VPS35: variants seen among roughly 807,000 people sequenced by gnomAD.
VPS35 encodes the protein vacuolar protein sorting-associated protein 35.
VPS35 carries 21 observed loss-of-function variants against 98.1 expected under a neutral mutation model. That is an observed-to-expected ratio of 0.21 (90% confidence interval 0.15 to 0.31). The LOEUF is 0.31. VPS35 is among the 10% of genes least tolerant of loss of function. The pLI is 1.00. For missense variants in VPS35, 554 were observed against 950.8 expected, an observed-to-expected ratio of 0.58 and a Z score of 5.49; for synonymous variants, 268 against 318.2, an observed-to-expected ratio of 0.84 and a Z score of 1.68.
chr16:46,661,569 C>T lies in VPS35; in HGVS notation c.2211+149G>A, dbSNP rs1596709263. On this transcript the variant is annotated intron_variant, in intron 16 of 16. Coordinates refer to ENST00000299138, the MANE Select transcript of VPS35 (RefSeq NM_018206.6). This position sits in a 1 kb window ranked among gnomAD's most constrained non-coding sequence, Gnocchi z 4.3. ...AACTAGAACATTATGACAAATTAGC[C>T]TATTATTTGACATCTGTAAATTATT... 1 of 790,598 alleles carries T rather than the reference C, an allele frequency of 1.3e-6. No homozygotes were observed. Among genetic ancestry groups the T allele is most frequent in the African/African-American group, 1.7e-5 (1 of 57,218 alleles). The allele number at this position is 790,598 out of a possible 1,614,324, so 49.0% of individuals were successfully genotyped here.
intron 7 of VPS35, among the ~76,000 whole-genome samples, chr16:46,677,048 A>G (rs1191779881): frequency 2.6e-5 from 4 of 151,886 alleles, no homozygotes; most frequent in African/African-American, 9.7e-5. Context: ...AAAAAAAAAG[A>G]AACACTAAAA....
At position 46,662,487 on chromosome 16, in the gene VPS35, T is replaced by A. The variant is rs549129612; in HGVS notation, c.1828-5A>T. 3 of 1,613,708 alleles carry A rather than the reference T, an allele frequency of 1.9e-6. No homozygotes were observed. The South Asian group carries it at 3.3e-5, about 18-fold the overall frequency. On this transcript the variant is annotated splice_polypyrimidine_tract_variant and splice_region_variant and intron_variant, in intron 14 of 16. Transcript: ENST00000299138. ...ATCTTCATACAGAGAAAATGCCTAG[T>A]GAACATAAAGCAGAAAGGACTTTCA...
rs1966155371 is a variant in VPS35, at chr16:46,676,543, C to A, written c.914+40G>T. ...AAAAATGTTTAAAATTCATTATTCC[C>A]AAGTCAGAGCATTTATCCGCCAGTG... On this transcript the variant is annotated intron_variant, in intron 8 of 16. Coordinates refer to ENST00000299138, the MANE Select transcript of VPS35 (RefSeq NM_018206.6). 2.4e-6 allele frequency: 3 copies of A among 1,244,798 alleles called. No individual in the cohort carries two copies. In the East Asian group the frequency reaches 7.0e-5, roughly 29 times the overall value. 77.1% of individuals were successfully genotyped at this position (1,244,798 alleles called of 1,614,324 possible).
chr16:46,676,826 C>G (rs1166700908), intron 7 of VPS35, 134 bp from the exon 8 acceptor site: 2 of 710,892 alleles, frequency 2.8e-6, no homozygotes, highest in Non-Finnish European at 5.1e-6. Context: ...TACTTTTGAA[C>G]CTCTCTACTA....
chr16:46,669,536 G>A (rs979063666), intron 12 of VPS35, among the ~76,000 whole-genome samples: 5 of 151,920 alleles, frequency 3.3e-5, no homozygotes, highest in South Asian at 2.1e-4. Context: ...GCATGGTGGC[G>A]CACACCCGTA....
chr16:46,674,171 C>T, intron 10 of VPS35, 143 bp downstream of exon 10: 1 of 895,068 alleles, frequency 1.1e-6, no homozygotes, highest in African/African-American at 1.7e-5. Context: ...CTACTTTCTG[C>T]CCCTAGTAGT....
chr16:46,680,479 A>G (rs1966218203), intron 5 of VPS35, among the ~76,000 whole-genome samples, 192 bp downstream of exon 5: 1 of 152,248 alleles, frequency 6.6e-6, no homozygotes, highest in South Asian at 2.1e-4. Flanking sequence ...TTTGCATAAG[A>G]GTACATTTTA....
chr16:46,673,160 G>T (rs542462103), intron 10 of VPS35, among the ~76,000 whole-genome samples: 1 of 150,832 alleles, frequency 6.6e-6, no homozygotes, highest in Non-Finnish European at 1.5e-5. Context: ...TATTAGAGAC[G>T]GGGTCTCGCT....
chr16:46,661,751 T>C lies in VPS35; in HGVS notation c.2178A>G (p.Arg726=), dbSNP rs1460679820. The change falls in exon 16 of 17, where the codon AGA becomes AGG. Residue 726 remains arginine (R), a synonymous_variant. Transcript: ENST00000299138. The surrounding 1 kb of genome is among the most constrained non-coding windows in gnomAD (Gnocchi z 4.3). Reference sequence around the variant, plus strand: ...TTTCCTTTTCATAAAAATAGATATATCTGTTCAGAATTTCTATAAAAAGCT... The same window carrying C: ...TTTCCTTTTCATAAAAATAGATATACCTGTTCAGAATTTCTATAAAAAGCT... ...QVQLFIEILN[R]YIYFYEKEND... is the part of the protein sequence containing the mutation. 2 of 1,612,178 alleles carry C rather than the reference T, an allele frequency of 1.2e-6. No homozygotes were observed. Among genetic ancestry groups the C allele is most frequent in the African/African-American group, 1.3e-5 (1 of 75,018 alleles).
chr16:46,672,121 C>A, intron 11 of VPS35, 144 bp downstream of exon 11: 1 of 785,264 alleles, frequency 1.3e-6, no homozygotes, highest in Non-Finnish European at 2.0e-6. Flanking sequence ...TATACATCTC[C>A]AATTTTTAAT....
chr16:46,678,198 A>AT (rs1966179462), intron 6 of VPS35, among the ~76,000 whole-genome samples: 1 of 152,090 alleles, frequency 6.6e-6, no homozygotes, highest in Non-Finnish European at 1.5e-5. Flanking sequence ...CTTTTGCACC[A>AT]TATCTGCACT....
rs1966119019 is a variant in VPS35, at chr16:46,674,717, A to G, written c.915-57T>C. The G allele has an allele frequency of 4.4e-6, 6 of 1,354,438 alleles. No individual in the cohort carries two copies. In the Admixed American group the frequency reaches 1.3e-4, roughly 29 times the overall value. The allele number at this position is 1,354,438 out of a possible 1,614,324, so 83.9% of individuals were successfully genotyped here. On this transcript the variant is annotated intron_variant, in intron 8 of 16. Transcript: ENST00000299138. The stretch of plus-strand genomic sequence containing the variant: ...AAAGATACAGGGTTTGGGTAGTGAG[A>G]TCATGGATGACATCTTATTCTTTAT...
rs546485076 is a variant in VPS35, at chr16:46,663,862, A to ATTTTTTTTTTTTTTTTTTTTTTTTTTTT, written c.1648-728_1648-701dup. Among the ~76,000 whole-genome samples the ATTTTTTTTTTTTTTTTTTTTTTTTTTTT allele has an allele frequency of 3.1e-4, 9 of 28,686 alleles. 2 individuals carry two copies. Among genetic ancestry groups the ATTTTTTTTTTTTTTTTTTTTTTTTTTTT allele is most frequent in the East Asian group, 1.4e-3 (1 of 704 alleles). 18.8% of individuals were successfully genotyped at this position (28,686 alleles called of 152,430 possible). ...AGGCTTGCATCACCACACCTGGCTA[A>ATTTTTTTTTTTTTTTTTTTTTTTTTTTT]TTTTTTTTTTTTTTTTTTTTTTTTT... is the stretch of plus-strand genomic sequence containing the variant. On this transcript the variant is annotated intron_variant, in intron 13 of 16. Coordinates refer to ENST00000299138, the MANE Select transcript of VPS35 (RefSeq NM_018206.6).
At chr16:46,665,032 T>A (rs1407359048) in intron 13 of VPS35, among the ~76,000 whole-genome samples, 1 of 152,172 alleles carries the variant, frequency 6.6e-6, no homozygotes, top group Non-Finnish European at 1.5e-5. Flanking sequence ...GGAATTCCAC[T>A]TGGAAGTAAA....
intron 6 of VPS35, 70 bp from the exon 7 acceptor site, chr16:46,677,468 G>A (rs1966169366): frequency 4.9e-6 from 6 of 1,222,316 alleles, no homozygotes; most frequent in African/African-American, 1.5e-5. Context: ...CTCTAGTAAC[G>A]CATTTGAACT....
intron 1 of VPS35, chr16:46,688,688 C>T: frequency 9.1e-7 from 1 of 1,097,196 alleles, no homozygotes; most frequent in Non-Finnish European, 1.1e-6. Flanking sequence ...CGGCCGAGCA[C>T]AACTAGGCAC....
In VPS35 at chr16:46,674,332, T is replaced by C. The variant is rs754978683; in HGVS notation, c.1142A>G (p.Asn381Ser). Residue 381 changes from asparagine to serine, a missense_variant, in exon 10 of 17, where the codon AAT becomes AGT. Around this residue, in one of 5 missense-constraint regions of VPS35, gnomAD observed 254 missense variants for 390.1 expected, o/e 0.65. Transcript: ENST00000299138. Reference protein sequence around the residue: ...KVLETTVEIFNKLNLEHIATS... With the variant: ...KVLETTVEIFSKLNLEHIATS... ...GACTTACTGTTCAAGGTTGAGCTTA[T>C]TGAATATCTCCACTGTTGTTTCTAG... The C allele has an allele frequency of 7.4e-5, 120 of 1,613,986 alleles. No individual in the cohort carries two copies. The highest frequency in any genetic ancestry group is 1.1e-4 in the African/African-American group (8 of 74,944).
At chr16:46,688,885 C>T (rs1190363857) in intron 1 of VPS35, 2 of 1,444,136 alleles carry the variant, frequency 1.4e-6, no homozygotes, top group Admixed American at 2.7e-5. Flanking sequence ...CCAAGTCAAC[C>T]CCACAGAGAG....
intron 13 of VPS35, 63 bp from the exon 14 acceptor site, chr16:46,663,225 C>T: frequency 2.1e-6 from 3 of 1,461,848 alleles, no homozygotes; most frequent in Non-Finnish European, 2.8e-6. Flanking sequence ...CCAGGATATC[C>T]ATTTTAATAG....
Sources: allele counts gnomAD v4.1 joint callset (sites outside exome capture counted in the v4.1 genomes callset), GRCh38; gene constraint gnomAD v4.1.1; regional missense constraint gnomAD v4.1.1; non-coding constraint Gnocchi (gnomAD v3.1); transcripts MANE v1.5; gene names NCBI Gene and HGNC (gene_info 2026-07-23, HGNC 2026-07-21).